LRCH3: variants seen among roughly 807,000 people sequenced by gnomAD.
LRCH3 encodes the protein leucine rich repeats and calponin homology domain containing 3.
LRCH3 carries 68 observed loss-of-function variants against 104.5 expected under a neutral mutation model. The ratio of observed to expected loss-of-function variants is 0.65; its 90% CI spans 0.54 to 0.80. The LOEUF (loss-of-function observed/expected upper bound fraction) is 0.80, where lower values mean the gene tolerates loss of function less well. LRCH3 is among the 30% of genes least tolerant of loss of function. The pLI is 0.00. For missense variants in LRCH3, 951 were observed against 953.9 expected, an observed-to-expected ratio of 1.00 and a Z score of 0.04; for synonymous variants, 344 against 361.3, an observed-to-expected ratio of 0.95 and a Z score of 0.54.
intron 10 of LRCH3, among the ~76,000 whole-genome samples, chr3:197,841,953 C>T (rs903054159): frequency 2.0e-5 from 3 of 152,070 alleles, no homozygotes; most frequent in East Asian, 1.9e-4. Flanking sequence ...CCACCTCAGC[C>T]GCTGGAGTAG....
Position 197,832,191 on chromosome 3 carries a change from T to C in LRCH3, c.982-6T>C, listed in dbSNP as rs776503082. 6.2e-7 allele frequency: 1 copy of C among 1,610,394 alleles called. No homozygotes were observed. The highest frequency in any genetic ancestry group is 2.2e-5 in the East Asian group (1 of 44,782). ...TTGTTTTTAATGTTTCTGCTTCTTT[T>C]TTAAGCCTACAGATGAATTTTCAGA... On this transcript the variant is annotated splice_polypyrimidine_tract_variant and splice_region_variant and intron_variant, in intron 7 of 20. Transcript: ENST00000425562.
intron 20 of LRCH3, among the ~76,000 whole-genome samples, chr3:197,880,226 T>G (rs141489149): frequency 0.1 from 15,123 of 151,864 alleles, 1,048 homozygotes; most frequent in African/African-American, 0.19. Context: ...ATTACAGGTG[T>G]GAGCCACCGC....
chr3:197,847,310 G>A, intron 10 of LRCH3, 99 bp from the exon 11 acceptor site: 2 of 1,136,118 alleles, frequency 1.8e-6, no homozygotes, highest in Non-Finnish European at 2.5e-6. Context: ...CTGATTAATA[G>A]AAAGCTACAT....
At chr3:197,872,777 C>T (rs918768865) in intron 19 of LRCH3, among the ~76,000 whole-genome samples, 2 of 152,058 alleles carry the variant, frequency 1.3e-5, no homozygotes, top group Admixed American at 1.3e-4. Context: ...ATCACTTGAA[C>T]CCAGGAGGCG....
At chr3:197,825,726 G>A (rs1253676184) in intron 4 of LRCH3, among the ~76,000 whole-genome samples, 2 of 151,844 alleles carry the variant, frequency 1.3e-5, no homozygotes, top group Non-Finnish European at 2.9e-5. Context: ...TGATCCGCCT[G>A]CCTCGGCCTC....
chr3:197,837,340 TA>T lies in LRCH3; in HGVS notation c.1251+1525del, dbSNP rs542524615. Reference sequence around the variant, plus strand: ...AGTGAAAATGCCTATTATACTACTATAAAAAAATAGTATTTCTTTAATTCAT... The same window carrying T: ...AGTGAAAATGCCTATTATACTACTATAAAAAATAGTATTTCTTTAATTCAT... On this transcript the variant is annotated intron_variant, in intron 9 of 20. Coordinates refer to ENST00000425562, the MANE Select transcript of LRCH3 (RefSeq NM_001365715.1). Among the ~76,000 whole-genome samples, 2 of 152,166 alleles carry T rather than the reference TA, an allele frequency of 1.3e-5. 1 individual carries two copies. Among genetic ancestry groups the T allele is most frequent in the South Asian group, 4.1e-4 (2 of 4,822 alleles).
chr3:197,815,186 A>T lies in LRCH3; in HGVS notation c.407+134A>T, dbSNP rs1160633101. ...AGTTTCTGTATGTGCTCTTGGATAT[A>T]TTAACAGTATTTCCTATGTCCCTCC... On this transcript the variant is annotated intron_variant, in intron 2 of 20. Coordinates refer to ENST00000425562, the MANE Select transcript of LRCH3 (RefSeq NM_001365715.1). 1.4e-5 allele frequency: 7 copies of T among 502,500 alleles called. No homozygotes were observed. In the East Asian group the frequency reaches 2.1e-4, roughly 15 times the overall value. 31.1% of individuals were successfully genotyped at this position (502,500 alleles called of 1,614,324 possible). A position where few individuals can be genotyped will look rare whatever the true frequency, so the allele number is the denominator to read the frequency against.
At chr3:197,822,844 C>T (rs1310576456) in intron 4 of LRCH3, 1 of 148,350 alleles carries the variant, frequency 6.7e-6, no homozygotes, top group African/African-American at 2.5e-5. Context: ...GAGTCTCACT[C>T]TGTCACGCAG....
chr3:197,838,449 T>C (rs1472688641), intron 9 of LRCH3, among the ~76,000 whole-genome samples: 1 of 149,222 alleles, frequency 6.7e-6, no homozygotes, highest in Admixed American at 6.6e-5. Flanking sequence ...AGGTAGATGC[T>C]ATTTCTTGGA....
intron 20 of LRCH3, among the ~76,000 whole-genome samples, chr3:197,877,904 C>T (rs1313456173): frequency 6.6e-6 from 1 of 152,100 alleles, no homozygotes; most frequent in African/African-American, 2.4e-5. Context: ...AAAGGGTCAT[C>T]TTTTAGAACA....
At chr3:197,814,003 G>A (rs1195359767) in intron 1 of LRCH3, among the ~76,000 whole-genome samples, 1 of 152,124 alleles carries the variant, frequency 6.6e-6, no homozygotes, top group Non-Finnish European at 1.5e-5. Flanking sequence ...TTTACTCAGT[G>A]ATACCTTTAT....
intron 1 of LRCH3, among the ~76,000 whole-genome samples, chr3:197,801,732 T>C (rs999645554): frequency 2.0e-5 from 3 of 152,230 alleles, no homozygotes; most frequent in Admixed American, 6.5e-5. Flanking sequence ...TGTTGCTAAA[T>C]AGCAAATTAT....
Position 197,852,544 on chromosome 3 carries a change from G to C in LRCH3, c.1531-17G>C, listed in dbSNP as rs1405271092. 8.7e-6 allele frequency: 14 copies of C among 1,612,706 alleles called. No individual in the cohort carries two copies. The highest frequency in any genetic ancestry group is 1.1e-5 in the Non-Finnish European group (13 of 1,179,454). On this transcript the variant is annotated splice_polypyrimidine_tract_variant and intron_variant, in intron 12 of 20. Transcript: ENST00000425562. ...TCTAACCAACTTCCTTTTTTGGGGGGTTTTGGGATTATACAGCAAAAAGCA... is the reference window on the plus strand; with the variant it reads ...TCTAACCAACTTCCTTTTTTGGGGGCTTTTGGGATTATACAGCAAAAAGCA...
At position 197,887,590 on chromosome 3, in the gene LRCH3, TGA is replaced by T. The variant is rs1235071911; in HGVS notation, c.*3928_*3929del. On this transcript the variant is annotated 3_prime_UTR_variant, in exon 21 of 21. Transcript: ENST00000425562. The stretch of plus-strand genomic sequence containing the variant: ...TCCCATCACTGACAGTGTTGGGGGC[TGA>T]GAGCCCCCCTAGCAGAGCCCTTCCC... The T allele has an allele frequency of 2.0e-5, 3 of 146,460 alleles. No individual in the cohort carries two copies. In the Admixed American group the frequency reaches 2.2e-4, roughly 11 times the overall value. 9.1% of individuals were successfully genotyped at this position (146,460 alleles called of 1,614,324 possible).
At chr3:197,808,024 G>A (rs1732696629) in intron 1 of LRCH3, among the ~76,000 whole-genome samples, 1 of 152,122 alleles carries the variant, frequency 6.6e-6, no homozygotes, top group African/African-American at 2.4e-5. Context: ...TTTTTGCTTA[G>A]TGTTATGTAC....
chr3:197,818,445 GT>G (rs1384369514), intron 3 of LRCH3, among the ~76,000 whole-genome samples: 2 of 152,140 alleles, frequency 1.3e-5, no homozygotes, highest in African/African-American at 4.8e-5. Flanking sequence ...ATGGAAGATG[GT>G]TATCATAAAT....
At chr3:197,859,443 T>C (rs1740633174) in intron 15 of LRCH3, 1 of 153,706 alleles carries the variant, frequency 6.5e-6, no homozygotes, top group Non-Finnish European at 1.4e-5. Flanking sequence ...CCTACAAGCC[T>C]AAAATATGTA....
chr3:197,809,811 C>T lies in LRCH3; in HGVS notation c.263-5097C>T, dbSNP rs1226227537. 2.0e-5 allele frequency among the ~76,000 whole-genome samples: 3 copies of T among 152,090 alleles called. No individual in the cohort carries two copies. The East Asian group carries it at 5.8e-4, about 29-fold the overall frequency. On this transcript the variant is annotated intron_variant, in intron 1 of 20. Coordinates refer to ENST00000425562, the MANE Select transcript of LRCH3 (RefSeq NM_001365715.1). ...GAGGCTTTCTGGTTTTCATTTGTTACAAGAGAGTCTGTAATTGCTCTCTGA... is the reference window on the plus strand; with the variant it reads ...GAGGCTTTCTGGTTTTCATTTGTTATAAGAGAGTCTGTAATTGCTCTCTGA...
intron 10 of LRCH3, among the ~76,000 whole-genome samples, chr3:197,844,980 C>T (rs1738427372): frequency 6.6e-6 from 1 of 152,028 alleles, no homozygotes. Flanking sequence ...TTGGGGATGT[C>T]AAGATCATTG....
Sources: gnomAD v4.1 joint callset for allele counts (sites outside exome capture counted in the v4.1 genomes callset) on GRCh38, gnomAD v4.1.1 for gene constraint, MANE v1.5 for transcripts, NCBI Gene and HGNC (gene_info 2026-07-23, HGNC 2026-07-21) for gene names.